Variants in BCAM observed in about 807,000 individuals in gnomAD.
The protein encoded by BCAM is basal cell adhesion molecule.
In BCAM, 61 loss-of-function variants were observed where a neutral mutation model predicts 72.4. The ratio of observed to expected loss-of-function variants is 0.84; its 90% CI spans 0.69 to 1.04. The LOEUF is 1.04. Among genes scored for constraint, BCAM ranks in the 50% least tolerant of loss-of-function variants. BCAM has a pLI of 0.00. For missense variants in BCAM, 909 were observed against 895.0 expected (o/e 1.02, Z -0.20); for synonymous variants, 408 against 384.2 (o/e 1.06, Z -0.73).
In BCAM at chr19:44,814,604, G is replaced by A; in HGVS notation, c.922G>A (p.Asp308Asn). 6.2e-7 allele frequency: 1 copy of A among 1,612,374 alleles called. No homozygotes were observed. Reference protein sequence around the residue: ...SPEYTLFRLQDEQEEVLNVNL... With the variant: ...SPEYTLFRLQNEQEEVLNVNL... The stretch of plus-strand genomic sequence containing the variant: ...TGGTTCCTCGTCCCCCGTCTCCCAG[G>A]ATGAGCAGGAGGAAGTGCTGAATGT... The change falls in exon 8 of 15, where the codon GAT (aspartate) becomes AAT (asparagine). Residue 308 changes from aspartate to asparagine, a missense_variant and splice_region_variant. Coordinates refer to ENST00000270233, the MANE Select transcript of BCAM (RefSeq NM_005581.5). This position sits in a 1 kb window ranked among gnomAD's most constrained non-coding sequence, Gnocchi z 4.6.
Position 44,819,569 on chromosome 19 carries a change from C to A in BCAM, c.1619-13C>A. On this transcript the variant is annotated splice_polypyrimidine_tract_variant and intron_variant, in intron 12 of 14. Transcript: ENST00000270233. Reference sequence around the variant, plus strand: ...CTGCCTGACCCACGCCTCTCTCCATCCTGTCCCTGCAGTGAGCCCCCAGAC... The same window carrying A: ...CTGCCTGACCCACGCCTCTCTCCATACTGTCCCTGCAGTGAGCCCCCAGAC... 1 of 1,612,374 alleles carries A rather than the reference C, an allele frequency of 6.2e-7. No individual in the cohort carries two copies. The highest frequency in any genetic ancestry group is 8.5e-7 in the Non-Finnish European group (1 of 1,178,866).
chr19:44,816,242 G>A lies in BCAM; in HGVS notation c.1078+1482G>A, dbSNP rs540082633. Among the ~76,000 whole-genome samples the A allele has an allele frequency of 1.2e-3, 178 of 151,450 alleles. 1 individual carries two copies. The highest frequency in any genetic ancestry group is 3.7e-3 in the African/African-American group (153 of 41,278). ...GGAGAATCGCTTGAACCCAGGAAGCGGAGATTGCAGTGAACTGAGATCGTG... is the reference window on the plus strand; with the variant it reads ...GGAGAATCGCTTGAACCCAGGAAGCAGAGATTGCAGTGAACTGAGATCGTG... On this transcript the variant is annotated intron_variant, in intron 8 of 14. Transcript: ENST00000270233.
intron 8 of BCAM, among the ~76,000 whole-genome samples, chr19:44,816,693 C>CT: frequency 1.3e-5 from 2 of 151,638 alleles, no homozygotes; most frequent in African/African-American, 2.4e-5. Context: ...AATCCCAGCA[C>CT]TTTGGGAGGC....
rs1005245719 is a variant in BCAM, at chr19:44,812,001, G to A, written c.205-162G>A. 7.3e-6 allele frequency: 5 copies of A among 687,748 alleles called. No individual in the cohort carries two copies. The highest frequency in any genetic ancestry group is 5.8e-5 in the Admixed American group (2 of 34,248). 42.6% of individuals were successfully genotyped at this position (687,748 alleles called of 1,614,324 possible). On this transcript the variant is annotated intron_variant, in intron 2 of 14. Transcript: ENST00000270233. The surrounding 1 kb of genome is among the most constrained non-coding windows in gnomAD (Gnocchi z 5.3). ...ACAGGAAAAATCAAGAACTGATAGGGAATGGGGGCAGGAGAAGGTGGGGAG... is the reference window on the plus strand; with the variant it reads ...ACAGGAAAAATCAAGAACTGATAGGAAATGGGGGCAGGAGAAGGTGGGGAG...
At chr19:44,816,040 G>A (rs28739588) in intron 8 of BCAM, among the ~76,000 whole-genome samples, 2,842 of 151,846 alleles carry the variant, frequency 0.019, 47 homozygotes, top group South Asian at 0.04. Flanking sequence ...AAAGTAGGCC[G>A]GGCCCCGTGG....
Position 44,809,165 on chromosome 19 carries a change from CG to C in BCAM, c.42del (p.Arg15GlyfsTer29). On this transcript the variant is annotated frameshift_variant, in exon 1 of 15. Transcript: ENST00000270233. LOFTEE classifies it high-confidence loss of function. ...GCACCGGCCCAGGCGCGCGGGGCCC[CG>C]CGGCTGCTGTTGCTCGCAGTCCTGC... ...PDAPAQARGAPRLLLLAVLLA... is the reference protein window; with the variant it reads ...PDAPAQARGAXRLLLLAVLLA... 6.8e-7 allele frequency: 1 copy of C among 1,475,082 alleles called. No individual in the cohort carries two copies. Among genetic ancestry groups the C allele is most frequent in the South Asian group, 1.3e-5 (1 of 77,822 alleles). 91.4% of individuals were successfully genotyped at this position (1,475,082 alleles called of 1,614,324 possible). A position where few individuals can be genotyped will look rare whatever the true frequency, so the allele number is the denominator to read the frequency against.
intron 8 of BCAM, among the ~76,000 whole-genome samples, chr19:44,816,043 C>T (rs1670784765): frequency 6.6e-6 from 1 of 151,404 alleles, no homozygotes; most frequent in African/African-American, 2.4e-5. Context: ...GTAGGCCGGG[C>T]CCCGTGGCTC....
Position 44,814,861 on chromosome 19 carries a change from C to G in BCAM, c.1078+101C>G, listed in dbSNP as rs1599886210. On this transcript the variant is annotated intron_variant, in intron 8 of 14. Coordinates refer to ENST00000270233, the MANE Select transcript of BCAM (RefSeq NM_005581.5). This position sits in a 1 kb window ranked among gnomAD's most constrained non-coding sequence, Gnocchi z 4.6. ...TGAAGTTGCTCTGTCATCCCAAACA[C>G]TCTGCCTTCAACCCTTTCTCTGCAT... The G allele has an allele frequency of 1.6e-6, 2 of 1,249,934 alleles. No homozygotes were observed. The highest frequency in any genetic ancestry group is 2.7e-5 in the East Asian group (1 of 36,670). The allele number at this position is 1,249,934 out of a possible 1,614,324, so 77.4% of individuals were successfully genotyped here. A position where few individuals can be genotyped will look rare whatever the true frequency, so the allele number is the denominator to read the frequency against.
rs1474034363 is a variant in BCAM, at chr19:44,812,259, C to G, written c.301C>G (p.Pro101Ala). The change falls in exon 3 of 15, where the codon CCA becomes GCA. Residue 101 changes from proline to alanine, a missense_variant. By Grantham distance (27) the Pro-to-Ala change is conservative. Coordinates refer to ENST00000270233, the MANE Select transcript of BCAM (RefSeq NM_005581.5). The surrounding 1 kb of genome is among the most constrained non-coding windows in gnomAD (Gnocchi z 5.3). Reference protein sequence around the residue: ...TMHDTRGRSPPYQLDSQGRLV... With the variant: ...TMHDTRGRSPAYQLDSQGRLV... ...GCACGACACCCGGGGCCGCAGTCCCCCATACCAGCTGGACTCCCAGGGGCG... is the reference window on the plus strand; with the variant it reads ...GCACGACACCCGGGGCCGCAGTCCCGCATACCAGCTGGACTCCCAGGGGCG... The G allele has an allele frequency of 1.9e-6, 3 of 1,610,262 alleles. No homozygotes were observed.
chr19:44,818,771 C>T lies in BCAM; in HGVS notation c.1225C>T (p.Leu409=). 2 of 1,614,124 alleles carry T rather than the reference C, an allele frequency of 1.2e-6. No individual in the cohort carries two copies. The highest frequency in any genetic ancestry group is 1.1e-5 in the South Asian group (1 of 91,086). Residue 409 remains leucine, a synonymous_variant, in exon 10 of 15, where the codon CTG becomes TTG. Transcript: ENST00000270233. The surrounding 1 kb of genome is among the most constrained non-coding windows in gnomAD (Gnocchi z 4.6). ...DSTPLGDGPM[L]SLSSITFDSN... Reference sequence around the variant, plus strand: ...CACTCCCCTGGGCGATGGCCCCATGCTGTCGCTCAGTTCTATCACCTTCGA... The same window carrying T: ...CACTCCCCTGGGCGATGGCCCCATGTTGTCGCTCAGTTCTATCACCTTCGA...
Position 44,812,819 on chromosome 19 carries a change from G to A in BCAM, c.504+271G>A, listed in dbSNP as rs28399608. On this transcript the variant is annotated intron_variant, in intron 4 of 14. Coordinates refer to ENST00000270233, the MANE Select transcript of BCAM (RefSeq NM_005581.5). The surrounding 1 kb of genome is among the most constrained non-coding windows in gnomAD (Gnocchi z 5.3). ...ACAAAAATTAGCTGGGTGTGTTGGT[G>A]TGCAACTGTAATCCCAGCTGCTCGG... 9,443 of 482,432 alleles carry A rather than the reference G, an allele frequency of 0.02. 355 individuals carry two copies. The highest frequency in any genetic ancestry group is 0.11 in the East Asian group (2,717 of 25,288). 29.9% of individuals were successfully genotyped at this position (482,432 alleles called of 1,614,324 possible).
At chr19:44,811,714 G>A (rs555796609) in intron 2 of BCAM, 3 of 288,522 alleles carry the variant, frequency 1.0e-5, no homozygotes, top group East Asian at 1.0e-4. Flanking sequence ...GTGAAACCCC[G>A]TCTCTACTAA....
chr19:44,820,164 C>T (rs1968565121), intron 13 of BCAM: 2 of 1,020,500 alleles, frequency 2.0e-6, no homozygotes, highest in Non-Finnish European at 2.3e-6. Flanking sequence ...GCCACATCCC[C>T]ATCCTCCCCC....
chr19:44,820,555 C>T (rs972230129), intron 13 of BCAM, 150 bp from the exon 14 acceptor site: 2 of 1,290,830 alleles, frequency 1.5e-6, no homozygotes, highest in South Asian at 2.4e-5. Flanking sequence ...CAGCCCCTAC[C>T]CCATCCCTAT....
At position 44,819,967 on chromosome 19, in the gene BCAM, A is replaced by G. The variant is rs1196981532; in HGVS notation, c.1763+241A>G. On this transcript the variant is annotated intron_variant, in intron 13 of 14. Transcript: ENST00000270233. ...GCAGCCCCAAACCCAACCCAGGGCC[A>G]TCCCCAAACCCATCCCCAAGCCAAA... 4.6e-6 allele frequency: 6 copies of G among 1,295,854 alleles called. No individual in the cohort carries two copies. In the Admixed American group the frequency reaches 2.1e-4, roughly 46 times the overall value. The allele number at this position is 1,295,854 out of a possible 1,614,324, so 80.3% of individuals were successfully genotyped here.
chr19:44,819,897 C>G (rs1968560801), intron 13 of BCAM, 171 bp downstream of exon 13: 1 of 1,406,926 alleles, frequency 7.1e-7, no homozygotes, highest in Non-Finnish European at 9.3e-7. Flanking sequence ...AAACCCAGCC[C>G]CAGACTAATC....
rs1422288572 is a variant in BCAM, at chr19:44,812,479, A to T, written c.435A>T (p.Ala145=). 6.2e-7 allele frequency: 1 copy of T among 1,614,236 alleles called. No individual in the cohort carries two copies. The highest frequency in any genetic ancestry group is 8.5e-7 in the Non-Finnish European group (1 of 1,180,028). The change falls in exon 4 of 15, where the codon GCA becomes GCT. Residue 145 remains alanine, a splice_region_variant and synonymous_variant. Transcript: ENST00000270233. The surrounding 1 kb of genome is among the most constrained non-coding windows in gnomAD (Gnocchi z 5.3). ...AEATARLNVF[A]KPEATEVSPN... The stretch of plus-strand genomic sequence containing the variant: ...CTGACGTGAACGTCTTTTTCACAGC[A>T]AAGCCAGAGGCCACTGAGGTCTCCC...
intron 1 of BCAM, among the ~76,000 whole-genome samples, chr19:44,810,127 T>C (rs1267169667): frequency 6.6e-6 from 1 of 150,494 alleles, no homozygotes; most frequent in Non-Finnish European, 1.5e-5. Flanking sequence ...GGGAAGGGAG[T>C]TTCTAAGAAG....
Position 44,820,890 on chromosome 19 carries a change from G to A in BCAM, c.1882-26G>A, listed in dbSNP as rs766185059. ...GCAGTGGAGCACGCCCGTGGGCACA[G>A]GCTGACCTCTCCATCCGCTCCCCAG... On this transcript the variant is annotated intron_variant, in intron 14 of 14. Coordinates refer to ENST00000270233, the MANE Select transcript of BCAM (RefSeq NM_005581.5). 5.8e-6 allele frequency: 9 copies of A among 1,559,196 alleles called. No homozygotes were observed. The South Asian group carries it at 7.1e-5, about 12-fold the overall frequency.
Sources: gnomAD v4.1 joint callset for allele counts (sites outside exome capture counted in the v4.1 genomes callset) on GRCh38, gnomAD v4.1.1 for gene constraint, Gnocchi (gnomAD v3.1) non-coding constraint, MANE v1.5 for transcripts, NCBI Gene and HGNC (gene_info 2026-07-23, HGNC 2026-07-21) for gene names.